DLGAP2: variants seen among roughly 807,000 people sequenced by gnomAD.
The protein encoded by DLGAP2 is disks large-associated protein 2.
A neutral mutation model predicts 100.3 loss-of-function variants in DLGAP2; 26 were observed. The ratio of observed to expected loss-of-function variants is 0.26; its 90% confidence interval spans 0.19 to 0.36. DLGAP2 has a LOEUF of 0.36. Among genes scored for constraint, DLGAP2 ranks in the 10% least tolerant of loss-of-function variants. The pLI, the probability that DLGAP2 is intolerant of heterozygous loss-of-function variation, is 1.00. For synonymous variants in DLGAP2, 886 were observed against 630.1 expected, an observed-to-expected ratio of 1.41 and a Z score of -6.08; for missense variants, 1,858 against 1,453.2, an observed-to-expected ratio of 1.28 and a Z score of -4.53.
At chr8:848,342 GTATAGGAA>G (rs1797110829) in intron 1 of DLGAP2, among the ~76,000 whole-genome samples, 1 of 147,540 alleles carries the variant, frequency 6.8e-6, no homozygotes, top group Non-Finnish European at 1.5e-5. Flanking sequence ...GCGTGTTCCA[GTATAGGAA>G]CGTGCGGTGC....
intron 2 of DLGAP2, among the ~76,000 whole-genome samples, chr8:1,253,738 C>T (rs1799106060): frequency 6.6e-6 from 1 of 152,194 alleles, no homozygotes; most frequent in South Asian, 2.1e-4. Flanking sequence ...GTGTGGTCTT[C>T]TCCTAATTTA....
At chr8:1,098,976 A>G (rs1804491896) in intron 2 of DLGAP2, among the ~76,000 whole-genome samples, 1 of 152,198 alleles carries the variant, frequency 6.6e-6, no homozygotes, top group Non-Finnish European at 1.5e-5. Flanking sequence ...ATAGGTGTGC[A>G]TTCCAACAGT....
In DLGAP2 at chr8:1,435,323, C is replaced by A. The variant is rs117478922; in HGVS notation, c.107-66043C>A. On this transcript the variant is annotated intron_variant, in intron 3 of 14. Transcript: ENST00000637795. ...AGCAGGCAAGGGCTTTATAACCTCCCACACCGGCGCTTTGACTACATCACG... is the reference window on the plus strand; with the variant it reads ...AGCAGGCAAGGGCTTTATAACCTCCAACACCGGCGCTTTGACTACATCACG... Among the ~76,000 whole-genome samples, 904 of 152,276 alleles carry A rather than the reference C, an allele frequency of 5.9e-3. 8 individuals carry two copies. The highest frequency in any genetic ancestry group is 0.01 in the Non-Finnish European group (710 of 68,034).
intron 8 of DLGAP2, among the ~76,000 whole-genome samples, chr8:1,663,569 G>T (rs1373383930): frequency 6.6e-6 from 1 of 152,158 alleles, no homozygotes; most frequent in African/African-American, 2.4e-5. Context: ...AAAGAAGTGT[G>T]TGAGATTTCC....
chr8:1,024,236 T>C (rs1801719691), intron 2 of DLGAP2, among the ~76,000 whole-genome samples: 1 of 141,088 alleles, frequency 7.1e-6, no homozygotes, highest in East Asian at 2.3e-4. Context: ...TCCCTGGAAG[T>C]GGACAGCCCC....
rs1225611486 is a variant in DLGAP2, at chr8:737,837, C to G, written c.18+12C>G. The G allele has an allele frequency of 4.0e-5, 15 of 377,500 alleles. No individual in the cohort carries two copies. Among genetic ancestry groups the G allele is most frequent in the Non-Finnish European group, 7.1e-5 (15 of 212,358 alleles). The allele number at this position is 377,500 out of a possible 1,614,324, so 23.4% of individuals were successfully genotyped here. On this transcript the variant is annotated intron_variant, in intron 1 of 14. Transcript: ENST00000637795. ...CCGCGCTGAGGAAGGTGCGAGCCGC[C>G]GGGGGCTGCCGGGAGCCGGGCGCGG...
intron 2 of DLGAP2, among the ~76,000 whole-genome samples, chr8:1,204,686 G>C (rs1797952487): frequency 6.6e-6 from 1 of 152,158 alleles, no homozygotes; most frequent in Non-Finnish European, 1.5e-5. Flanking sequence ...CTTCTTGTGA[G>C]ATCCTTGACA....
At chr8:810,198 C>T (rs1177899254) in intron 1 of DLGAP2, among the ~76,000 whole-genome samples, 1 of 152,226 alleles carries the variant, frequency 6.6e-6, no homozygotes, top group African/African-American at 2.4e-5. Context: ...TGTTTACTCT[C>T]CCCACTTCTA....
chr8:1,498,156 G>A (rs1434289980), intron 3 of DLGAP2, among the ~76,000 whole-genome samples: 2 of 152,150 alleles, frequency 1.3e-5, no homozygotes, highest in Admixed American at 1.3e-4. Flanking sequence ...TGAAGACCTA[G>A]AATTCATAGA....
intron 2 of DLGAP2, among the ~76,000 whole-genome samples, chr8:1,152,119 A>C (rs1796708017): frequency 6.6e-6 from 1 of 152,130 alleles, no homozygotes; most frequent in Admixed American, 6.5e-5. Flanking sequence ...GTGTTCAAAT[A>C]TTTACTGGCT....
intron 12 of DLGAP2, among the ~76,000 whole-genome samples, chr8:1,682,795 T>C (rs75108613): frequency 0.044 from 6,659 of 151,744 alleles, 528 homozygotes; most frequent in African/African-American, 0.15. Flanking sequence ...TATTTCAGTG[T>C]CACTTACCTT....
chr8:1,610,566 C>T (rs1796961808), intron 6 of DLGAP2, among the ~76,000 whole-genome samples: 1 of 136,422 alleles, frequency 7.3e-6, no homozygotes, highest in Non-Finnish European at 1.5e-5. Context: ...AATAGAGACA[C>T]AAAAAACCCT....
Position 946,547 on chromosome 8 carries a change from G to A in DLGAP2, c.73+38581G>A, listed in dbSNP as rs915583549. Among the ~76,000 whole-genome samples, 11 of 152,318 alleles carry A rather than the reference G, an allele frequency of 7.2e-5. No individual in the cohort carries two copies. In the South Asian group the frequency reaches 2.1e-3, roughly 29 times the overall value. ...CAAAGTGCTGGGATTACAGGCGTGA[G>A]CCACCGCGCCCGGCCCGTTCCTTAG... On this transcript the variant is annotated intron_variant, in intron 2 of 14. Coordinates refer to ENST00000637795, the MANE Select transcript of DLGAP2 (RefSeq NM_001346810.2).
intron 1 of DLGAP2, among the ~76,000 whole-genome samples, chr8:758,840 T>C (rs531702871): frequency 3.9e-4 from 60 of 152,198 alleles, no homozygotes; most frequent in African/African-American, 1.3e-3. Context: ...AGATTACAGA[T>C]GTGAGTCACC....
At chr8:1,269,427 C>A (rs544277781) in intron 3 of DLGAP2, among the ~76,000 whole-genome samples, 1 of 152,184 alleles carries the variant, frequency 6.6e-6, no homozygotes, top group African/African-American at 2.4e-5. Context: ...GAGCCATCCA[C>A]CTTCCTGTAA....
intron 3 of DLGAP2, among the ~76,000 whole-genome samples, chr8:1,419,037 T>C (rs924185257): frequency 5.9e-5 from 9 of 152,258 alleles, no homozygotes; most frequent in Non-Finnish European, 1.2e-4. Flanking sequence ...GCCAGGGCCA[T>C]GTGGACTCTC....
intron 2 of DLGAP2, among the ~76,000 whole-genome samples, chr8:1,058,968 T>G (rs1052233212): frequency 3.9e-5 from 6 of 152,162 alleles, no homozygotes; most frequent in African/African-American, 9.7e-5. Context: ...AAACCTTTAT[T>G]TAGCATCTCA....
chr8:1,359,786 T>A (rs942163629), intron 3 of DLGAP2, among the ~76,000 whole-genome samples: 1 of 152,240 alleles, frequency 6.6e-6, no homozygotes, highest in African/African-American at 2.4e-5. Context: ...TTGTTGTGAT[T>A]TGGAAACTAA....
chr8:1,522,528 C>T (rs1407403776), intron 4 of DLGAP2, among the ~76,000 whole-genome samples: 2 of 152,168 alleles, frequency 1.3e-5, no homozygotes, highest in African/African-American at 2.4e-5. Flanking sequence ...GCTGGGCCCC[C>T]GGCCATCAGC....
Sources: allele counts gnomAD v4.1 joint callset (sites outside exome capture counted in the v4.1 genomes callset), GRCh38; gene constraint gnomAD v4.1.1; transcripts MANE v1.5; gene names NCBI Gene and HGNC (gene_info 2026-07-23, HGNC 2026-07-21).